CAMK1D: variants seen among roughly 807,000 people sequenced by gnomAD.
CAMK1D encodes calcium/calmodulin-dependent protein kinase type 1D.
In CAMK1D, 9 loss-of-function variants were observed where a neutral mutation model predicts 47.7. That is an observed-to-expected ratio of 0.19 (90% CI 0.11 to 0.33). The LOEUF (loss-of-function observed/expected upper bound fraction) is 0.33. Among genes scored for constraint, CAMK1D ranks in the 10% least tolerant of loss-of-function variants. CAMK1D has a pLI of 1.00. For missense variants in CAMK1D, 291 were observed against 488.7 expected (o/e 0.60, Z 3.81); for synonymous variants, 184 against 184.9 (o/e 0.99, Z 0.04).
At chr10:12,617,925 G>C (rs1262829311) in intron 2 of CAMK1D, among the ~76,000 whole-genome samples, 1 of 152,096 alleles carries the variant, frequency 6.6e-6, no homozygotes, top group Non-Finnish European at 1.5e-5. Context: ...CAAACAATTG[G>C]ATTACAGCCG....
intron 3 of CAMK1D, among the ~76,000 whole-genome samples, chr10:12,734,413 CACACACAT>C (rs1835063754): frequency 2.3e-4 from 2 of 8,868 alleles, no homozygotes; most frequent in Non-Finnish European, 4.3e-4. Context: ...TATACACACA[CACACACAT>C]GTATATATAT....
chr10:12,801,333 C>CT (rs373130857), intron 6 of CAMK1D, among the ~76,000 whole-genome samples: 18 of 113,162 alleles, frequency 1.6e-4, no homozygotes. Context: ...ATCTATCTAT[C>CT]TATCTATCTA....
At chr10:12,540,895 C>T (rs965643678) in intron 1 of CAMK1D, among the ~76,000 whole-genome samples, 1 of 150,136 alleles carries the variant, frequency 6.7e-6, no homozygotes, top group African/African-American at 2.4e-5. Context: ...GGGCACTGGT[C>T]CCAGTTAATG....
At chr10:12,630,364 T>C (rs936719690) in intron 2 of CAMK1D, among the ~76,000 whole-genome samples, 1 of 139,544 alleles carries the variant, frequency 7.2e-6, no homozygotes, top group African/African-American at 2.6e-5. Flanking sequence ...ATTTACTTTC[T>C]TTTTCTTTCT....
Position 12,520,967 on chromosome 10 carries a change from G to A in CAMK1D, c.93-32258G>A, listed in dbSNP as rs199641220. Among the ~76,000 whole-genome samples the A allele has an allele frequency of 2.2e-3, 55 of 24,596 alleles. 1 individual carries two copies. Among genetic ancestry groups the A allele is most frequent in the African/African-American group, 6.5e-3 (39 of 6,012 alleles). 16.1% of individuals were successfully genotyped at this position (24,596 alleles called of 152,430 possible). On this transcript the variant is annotated intron_variant, in intron 1 of 10. Coordinates refer to ENST00000619168, the MANE Select transcript of CAMK1D (RefSeq NM_153498.4). ...GAGGGAGGGGGAGGGGGAGGGGGAG[G>A]GGGAGAGCTTTATTCATTCTTAAGA...
intron 3 of CAMK1D, among the ~76,000 whole-genome samples, chr10:12,719,459 A>G (rs1198887092): frequency 6.6e-6 from 1 of 151,996 alleles, no homozygotes; most frequent in Non-Finnish European, 1.5e-5. Context: ...AATTTCCCTC[A>G]TTTCATGAAT....
At chr10:12,475,765 T>TTAGA (rs71384331) in intron 1 of CAMK1D, among the ~76,000 whole-genome samples, 20,174 of 152,068 alleles carry the variant, frequency 0.13, 1,571 homozygotes, top group Non-Finnish European at 0.19. Context: ...GCATATGATG[T>TTAGA]TAGAGATGGA....
intron 6 of CAMK1D, among the ~76,000 whole-genome samples, chr10:12,799,220 G>A (rs184024279): frequency 6.5e-4 from 99 of 152,318 alleles, no homozygotes; most frequent in African/African-American, 2.0e-3. Flanking sequence ...TCTCCTTGCC[G>A]TCCACGTTCC....
intron 3 of CAMK1D, among the ~76,000 whole-genome samples, chr10:12,756,205 T>C (rs913320338): frequency 1.3e-5 from 2 of 152,226 alleles, no homozygotes; most frequent in African/African-American, 4.8e-5. Flanking sequence ...GCAGAAGTGC[T>C]CCCTTTTAAT....
chr10:12,745,123 C>T (rs189417451), intron 3 of CAMK1D, among the ~76,000 whole-genome samples: 57 of 152,354 alleles, frequency 3.7e-4, no homozygotes, highest in South Asian at 1.9e-3. Flanking sequence ...CTCTGCCTTC[C>T]GAGTTCACGC....
chr10:12,759,507 G>A (rs912635324), intron 3 of CAMK1D, among the ~76,000 whole-genome samples: 4 of 152,170 alleles, frequency 2.6e-5, no homozygotes, highest in African/African-American at 4.8e-5. Context: ...GAGGAGAGAA[G>A]TTGGTGTCAG....
intron 2 of CAMK1D, among the ~76,000 whole-genome samples, chr10:12,648,900 C>T (rs2132505053): frequency 6.6e-6 from 1 of 152,228 alleles, no homozygotes; most frequent in East Asian, 1.9e-4. Flanking sequence ...TTTTTGGAGA[C>T]AAGGTCTTGC....
intron 1 of CAMK1D, among the ~76,000 whole-genome samples, chr10:12,471,190 A>C (rs1455729164): frequency 6.6e-6 from 1 of 152,044 alleles, no homozygotes; most frequent in Non-Finnish European, 1.5e-5. Context: ...GCACATGTTC[A>C]CTGCAGGCTG....
intron 3 of CAMK1D, among the ~76,000 whole-genome samples, chr10:12,726,984 C>T (rs899717396): frequency 6.6e-6 from 1 of 152,230 alleles, no homozygotes; most frequent in Non-Finnish European, 1.5e-5. Context: ...TTCAGTCAGG[C>T]CTACGGCACG....
At chr10:12,402,373 A>G (rs1389347680) in intron 1 of CAMK1D, among the ~76,000 whole-genome samples, 2 of 151,408 alleles carry the variant, frequency 1.3e-5, no homozygotes, top group Non-Finnish European at 2.9e-5. Flanking sequence ...AGCTGGGACC[A>G]CAGGCGGGCA....
At chr10:12,405,245 G>A (rs1038679533) in intron 1 of CAMK1D, among the ~76,000 whole-genome samples, 1 of 152,300 alleles carries the variant, frequency 6.6e-6, no homozygotes, top group Non-Finnish European at 1.5e-5. Flanking sequence ...CTTCAGCCCA[G>A]CCAGCTCATT....
chr10:12,477,034 T>TA (rs1415915963), intron 1 of CAMK1D, among the ~76,000 whole-genome samples: 1 of 152,100 alleles, frequency 6.6e-6, no homozygotes, highest in African/African-American at 2.4e-5. Flanking sequence ...GTCTGATGCC[T>TA]AGGATGGACC....
At chr10:12,697,970 T>G (rs1394556019) in intron 3 of CAMK1D, among the ~76,000 whole-genome samples, 3 of 152,120 alleles carry the variant, frequency 2.0e-5, no homozygotes, top group Admixed American at 1.3e-4. Context: ...TCCTATGAAG[T>G]CCATTCAGTT....
intron 1 of CAMK1D, among the ~76,000 whole-genome samples, chr10:12,379,879 T>C (rs1192990368): frequency 6.6e-6 from 1 of 152,056 alleles, no homozygotes; most frequent in Non-Finnish European, 1.5e-5. Flanking sequence ...TGCCAGAAAG[T>C]GGATGGATCA....
Sources: allele counts gnomAD v4.1 joint callset (sites outside exome capture counted in the v4.1 genomes callset), GRCh38; gene constraint gnomAD v4.1.1; transcripts MANE v1.5; gene names NCBI Gene and HGNC (gene_info 2026-07-23, HGNC 2026-07-21).